EIF2B3: variants seen among roughly 807,000 people sequenced by gnomAD.
EIF2B3 encodes translation initiation factor eIF2B subunit gamma.
In EIF2B3, 20 loss-of-function variants were observed where a neutral mutation model predicts 54.1. The observed-to-expected ratio is 0.37, with a 90% CI of 0.26 to 0.54. EIF2B3 has a LOEUF of 0.54. Ranked by LOEUF, EIF2B3 falls within the 20% of genes least tolerant of loss-of-function variation. The probability of loss-of-function intolerance (pLI) is 0.86; values close to 1 mark genes in which losing one functional copy is unlikely to be tolerated. For missense variants in EIF2B3, 448 were observed against 547.8 expected (o/e 0.82, Z 1.82); for synonymous variants, 153 against 188.1 (o/e 0.81, Z 1.52).
intron 6 of EIF2B3, among the ~76,000 whole-genome samples, chr1:44,884,059 G>C (rs1016375113): frequency 2.6e-5 from 4 of 152,118 alleles, no homozygotes; most frequent in Non-Finnish European, 4.4e-5. Flanking sequence ...GGCTGGTCTT[G>C]AACTCCTGGA....
intron 6 of EIF2B3, among the ~76,000 whole-genome samples, chr1:44,896,608 T>A (rs941890078): frequency 2.6e-5 from 4 of 152,224 alleles, no homozygotes; most frequent in African/African-American, 9.6e-5. Context: ...CTTTCCAAAC[T>A]TATCCAGCAG....
At chr1:44,911,658 A>G (rs1275115986) in intron 5 of EIF2B3, among the ~76,000 whole-genome samples, 1 of 152,240 alleles carries the variant, frequency 6.6e-6, no homozygotes, top group Non-Finnish European at 1.5e-5. Flanking sequence ...CTTTAGTTGT[A>G]ACCAGAGAAA....
At chr1:44,901,374 C>T (rs973979789) in intron 5 of EIF2B3, among the ~76,000 whole-genome samples, 50 of 152,054 alleles carry the variant, frequency 3.3e-4, no homozygotes, top group African/African-American at 1.2e-3. Flanking sequence ...CCTCGGCCTC[C>T]CAAAGTGTTG....
At chr1:44,941,467 G>A (rs368710944) in intron 4 of EIF2B3, 39 bp downstream of exon 4, 53 of 1,574,554 alleles carry the variant, frequency 3.4e-5, no homozygotes, top group African/African-American at 3.0e-4. Context: ...TAATAATTAC[G>A]AAAACTCAAC....
At chr1:44,879,443 G>A (rs1257566673) in intron 8 of EIF2B3, among the ~76,000 whole-genome samples, 3 of 152,158 alleles carry the variant, frequency 2.0e-5, no homozygotes, top group Non-Finnish European at 4.4e-5. Context: ...AGCCTCCTCT[G>A]TATGCCTATG....
intron 5 of EIF2B3, among the ~76,000 whole-genome samples, chr1:44,898,104 T>C (rs1205693945): frequency 6.6e-6 from 1 of 152,136 alleles, no homozygotes; most frequent in Non-Finnish European, 1.5e-5. Context: ...ATTATCCTAT[T>C]TTCCTCAGAC....
intron 11 of EIF2B3, among the ~76,000 whole-genome samples, chr1:44,852,097 T>C (rs1421889672): frequency 2.0e-5 from 3 of 151,608 alleles, no homozygotes; most frequent in Admixed American, 6.6e-5. Context: ...TACAGGCATA[T>C]GACGCCACAC....
At chr1:44,936,423 T>C (rs994372560) in intron 4 of EIF2B3, among the ~76,000 whole-genome samples, 1 of 96,202 alleles carries the variant, frequency 1.0e-5, no homozygotes, top group South Asian at 3.1e-4. Flanking sequence ...CTACTAAAAA[T>C]ACAAAAAAAA....
intron 3 of EIF2B3, among the ~76,000 whole-genome samples, chr1:44,959,678 C>G (rs1644264539): frequency 1.3e-5 from 2 of 152,174 alleles, no homozygotes; most frequent in South Asian, 4.1e-4. Context: ...AAGTTGTCAT[C>G]AAATTATCAA....
At chr1:44,870,174 A>T (rs1654917975) in intron 10 of EIF2B3, among the ~76,000 whole-genome samples, 1 of 104,624 alleles carries the variant, frequency 9.6e-6, no homozygotes, top group African/African-American at 4.8e-5. Flanking sequence ...CCCGTCTCAA[A>T]AAAGAGAGAG....
intron 1 of EIF2B3, among the ~76,000 whole-genome samples, chr1:44,982,726 G>A (rs1644527946): frequency 6.6e-6 from 1 of 151,340 alleles, no homozygotes; most frequent in Admixed American, 6.6e-5. Context: ...CCAACCTCTG[G>A]AGCAGCTGGG....
intron 3 of EIF2B3, among the ~76,000 whole-genome samples, chr1:44,960,242 C>G (rs1427663958): frequency 2.0e-5 from 3 of 152,156 alleles, no homozygotes; most frequent in South Asian, 2.1e-4. Flanking sequence ...TCTGCAGGTA[C>G]TGCATCTGCA....
In EIF2B3 at chr1:44,977,220, G is replaced by C. The variant is rs111519581; in HGVS notation, c.294+1095C>G. Among the ~76,000 whole-genome samples, 393 of 152,246 alleles carry C rather than the reference G, an allele frequency of 2.6e-3. 2 individuals carry two copies. Among genetic ancestry groups the C allele is most frequent in the African/African-American group, 9.0e-3 (374 of 41,560 alleles). On this transcript the variant is annotated intron_variant, in intron 3 of 11. Transcript: ENST00000360403. ...AACAATCTACAGTGGATCTTTCTCA[G>C]CTCATGGGCCACAAACCATTGGGGA... is the stretch of plus-strand genomic sequence containing the variant.
intron 3 of EIF2B3, chr1:44,958,425 G>A (rs910844344): frequency 4.2e-5 from 23 of 551,356 alleles, no homozygotes; most frequent in Admixed American, 6.2e-5. Flanking sequence ...TTAAGAGACC[G>A]AAACCAGATC....
At chr1:44,851,661 G>A (rs995146013) in intron 11 of EIF2B3, among the ~76,000 whole-genome samples, 3 of 152,168 alleles carry the variant, frequency 2.0e-5, no homozygotes, top group Non-Finnish European at 4.4e-5. Flanking sequence ...ATACTGTGGT[G>A]TGGCCAGAGA....
intron 3 of EIF2B3, among the ~76,000 whole-genome samples, chr1:44,950,791 C>A (rs1269919458): frequency 4.6e-5 from 7 of 152,066 alleles, no homozygotes; most frequent in African/African-American, 1.7e-4. Context: ...GGGGTTCAAG[C>A]GATTCTTGTG....
intron 6 of EIF2B3, among the ~76,000 whole-genome samples, chr1:44,884,012 T>C (rs1338149863): frequency 6.6e-6 from 1 of 152,136 alleles, no homozygotes; most frequent in Non-Finnish European, 1.5e-5. Context: ...CTAATTTTTT[T>C]ATTATTTGTA....
chr1:44,978,248 GCA>G, intron 3 of EIF2B3, 65 bp downstream of exon 3: 1 of 1,578,642 alleles, frequency 6.3e-7, no homozygotes, highest in Non-Finnish European at 8.7e-7. Context: ...AGACTATAAT[GCA>G]CTGGGAAAAC....
chr1:44,931,920 C>T (rs1198352158), intron 4 of EIF2B3, among the ~76,000 whole-genome samples: 1 of 152,098 alleles, frequency 6.6e-6, no homozygotes, highest in Non-Finnish European at 1.5e-5. Flanking sequence ...AGTTCAAGAT[C>T]ATCTCTGCTA....
Sources: allele counts gnomAD v4.1 joint callset (sites outside exome capture counted in the v4.1 genomes callset), GRCh38; gene constraint gnomAD v4.1.1; transcripts MANE v1.5; gene names NCBI Gene and HGNC (gene_info 2026-07-23, HGNC 2026-07-21).